RPL9: variants seen among roughly 807,000 people sequenced by gnomAD.
The protein encoded by RPL9 is large ribosomal subunit protein uL6.
For missense variants in RPL9, 149 were observed against 236.7 expected (o/e 0.63, Z 2.43); for synonymous variants, 82 against 77.1 (o/e 1.06, Z -0.33).
intron 2 of RPL9, 28 bp downstream of exon 2, chr4:39,458,366 T>A: frequency 6.2e-7 from 1 of 1,614,024 alleles, no homozygotes. Flanking sequence ...GCAGTAAAGA[T>A]GTAAGTAAAA....
rs915459167 is a variant in RPL9 at position 39,458,791 on chromosome 4, A to G, written c.-2+100T>C. On this transcript the variant is annotated intron_variant, in intron 1 of 7. Coordinates refer to ENST00000295955, the MANE Select transcript of RPL9 (RefSeq NM_000661.5). ...ATGGCGCTTGCCGAGCTGGGGGACA[A>G]ACAGGACAAGGTTCCGAGAGTGGGA... is the stretch of plus-strand genomic sequence containing the variant. The G allele has an allele frequency of 7.3e-6, 5 of 684,180 alleles. No homozygotes were observed. In the Admixed American group the frequency reaches 1.0e-4, roughly 14 times the overall value. The allele number at this position is 684,180 out of a possible 1,614,324, so 42.4% of individuals were successfully genotyped here. A position where few individuals can be genotyped will look rare whatever the true frequency, so the allele number is the denominator to read the frequency against.
chr4:39,454,828 C>G (rs1353188696), intron 6 of RPL9, 36 bp downstream of exon 6: 1 of 1,595,840 alleles, frequency 6.3e-7, no homozygotes, highest in East Asian at 2.2e-5. Context: ...TAGACAAAAT[C>G]TTGTAGGCAT....
rs1463478 is a variant in RPL9, at chr4:39,454,772, G to A, written c.472+92C>T. 747,180 of 1,464,710 alleles carry A rather than the reference G, an allele frequency of 0.51. 195,461 individuals are homozygous for A. The highest frequency in any genetic ancestry group is 0.61 in the Admixed American group (29,054 of 47,284). The allele number at this position is 1,464,710 out of a possible 1,614,324, so 90.7% of individuals were successfully genotyped here. On this transcript the variant is annotated intron_variant, in intron 6 of 7. Transcript: ENST00000295955. ...CCTTTTTATTTTCACAATTTAAAAA[G>A]CTAATCAAATAAAAATTAGCAAAAT...
chr4:39,456,724 T>C (rs964380793), intron 4 of RPL9, 186 bp from the exon 5 acceptor site: 3 of 630,856 alleles, frequency 4.8e-6, no homozygotes, highest in East Asian at 2.9e-5. Context: ...TAAAGCTCCT[T>C]GCGGAGGCTT....
intron 3 of RPL9, 67 bp from the exon 4 acceptor site, chr4:39,457,748 C>A: frequency 7.8e-7 from 1 of 1,281,220 alleles, no homozygotes. Context: ...AGACCACTTA[C>A]CGAATTACTT....
At position 39,458,408 on chromosome 4, in the gene RPL9, T is replaced by C; in HGVS notation, c.32A>G (p.Asp11Gly). 1 of 1,614,226 alleles carries C rather than the reference T, an allele frequency of 6.2e-7. No individual in the cohort carries two copies. Among genetic ancestry groups the C allele is most frequent in the Non-Finnish European group, 8.5e-7 (1 of 1,180,044 alleles). MKTILSNQTV[D>G]IPENVDITLK... ...AAGTCTCATACCATTTTCTGGAATG[T>C]CGACAGTCTGATTGCTGAGAATAGT... The change falls in exon 2 of 8, where the codon GAC becomes GGC. Residue 11 changes from aspartate (D) to glycine (G), a missense_variant. Transcript: ENST00000295955.
intron 5 of RPL9, 107 bp from the exon 6 acceptor site, chr4:39,455,051 T>C: frequency 8.6e-7 from 1 of 1,168,168 alleles, no homozygotes; most frequent in East Asian, 2.6e-5. Flanking sequence ...CAAAAGAACC[T>C]TTTCTTAAGA....
chr4:39,456,381 A>G lies in RPL9; in HGVS notation c.391+25T>C, dbSNP rs769511552. On this transcript the variant is annotated intron_variant, in intron 5 of 7. Transcript: ENST00000295955. The stretch of plus-strand genomic sequence containing the variant: ...AAAAATATGAAGGAAAAATTTCTTA[A>G]TTCTGTCTGAGGGTATGCACATACC... The G allele has an allele frequency of 1.1e-5, 18 of 1,613,918 alleles. No homozygotes were observed. The South Asian group carries it at 2.0e-4, about 18-fold the overall frequency.
intron 6 of RPL9, 99 bp from the exon 7 acceptor site, chr4:39,454,748 CTTTT>C: frequency 2.1e-6 from 3 of 1,451,878 alleles, no homozygotes; most frequent in South Asian, 1.3e-5. Flanking sequence ...AGAATGTGAC[CTTTT>C]TATTTTCACA....
Position 39,454,547 on chromosome 4 carries a change from T to C in RPL9, c.575A>G (p.Glu192Gly), listed in dbSNP as rs374515136. 1 of 1,608,148 alleles carries C rather than the reference T, an allele frequency of 6.2e-7. No homozygotes were observed. The highest frequency in any genetic ancestry group is 8.5e-7 in the Non-Finnish European group (1 of 1,177,022). The change falls in exon 7 of 8, where the codon GAA (glutamate) becomes GGA (glycine). Residue 192 changes from glutamate to glycine, a missense_variant. Glu to Gly is a moderately conservative substitution (Grantham distance 98). Coordinates refer to ENST00000295955, the MANE Select transcript of RPL9 (RefSeq NM_000661.5). ...TAAGAACTTACCTCTTAGATCTTAT[T>C]CATCAGCCTGCTGAACAGTTCCTTT... ...SEKGTVQQAD[E>G]
chr4:39,456,714 T>A, intron 4 of RPL9, 176 bp from the exon 5 acceptor site: 1 of 678,578 alleles, frequency 1.5e-6, no homozygotes, highest in East Asian at 2.8e-5. Context: ...CAGTGGACTG[T>A]AAAGCTCCTT....
Position 39,457,684 on chromosome 4 carries a change from G to A in RPL9, c.163-3C>T, listed in dbSNP as rs765477531. On this transcript the variant is annotated splice_polypyrimidine_tract_variant and splice_region_variant and intron_variant, in intron 3 of 7. Transcript: ENST00000295955. ...CCCCACCATTTGTCAACCCGGAGCT[G>A]TAACAGAACAAAAAATGTATTCTTT... The A allele has an allele frequency of 6.2e-7, 1 of 1,612,900 alleles. No individual in the cohort carries two copies. The highest frequency in any genetic ancestry group is 8.5e-7 in the Non-Finnish European group (1 of 1,178,884).
intron 1 of RPL9, chr4:39,458,679 C>A: frequency 1.6e-6 from 1 of 620,110 alleles, no homozygotes; most frequent in South Asian, 1.9e-5. Context: ...AAGTCCTATG[C>A]GGGCGGTGCC....
At chr4:39,456,183 C>A (rs1344843918) in intron 5 of RPL9, 4 of 564,568 alleles carry the variant, frequency 7.1e-6, no homozygotes, top group African/African-American at 3.8e-5. Context: ...GCAAGCTACT[C>A]CAATGTATCA....
chr4:39,456,374 TTTC>T (rs781541888), intron 5 of RPL9, 29 bp downstream of exon 5: 7 of 1,613,138 alleles, frequency 4.3e-6, no homozygotes, highest in Non-Finnish European at 5.1e-6. Flanking sequence ...GAAGGAAAAA[TTTC>T]TTAATTCTGT....
rs772175387 is a variant in RPL9, at chr4:39,458,284, T to C, written c.72A>G (p.Thr24=). Residue 24 remains threonine, a synonymous_variant, in exon 3 of 8, where the codon ACA becomes ACG. Transcript: ENST00000295955. ...TTCCTCTGGGGCCCTTCACGATAACTGTGCGTCCCTTCAGAGTAATGTCGA... is the reference window on the plus strand; with the variant it reads ...TTCCTCTGGGGCCCTTCACGATAACCGTGCGTCCCTTCAGAGTAATGTCGA... ...ENVDITLKGR[T]VIVKGPRGTL... 3.7e-6 allele frequency: 6 copies of C among 1,614,174 alleles called. No homozygotes were observed. Among genetic ancestry groups the C allele is most frequent in the Admixed American group, 1.7e-5 (1 of 60,020 alleles).
At chr4:39,455,240 C>A in intron 5 of RPL9, 1 of 236,266 alleles carries the variant, frequency 4.2e-6, no homozygotes, top group East Asian at 1.0e-4. Flanking sequence ...CCCAGCTACT[C>A]AGGAGGCTGA....
At chr4:39,457,059 GAAT>G (rs1447739202) in intron 4 of RPL9, 3 of 160,174 alleles carry the variant, frequency 1.9e-5, no homozygotes, top group African/African-American at 7.2e-5. Context: ...GGGTTGGAAA[GAAT>G]AATGACATAC....
intron 4 of RPL9, 128 bp downstream of exon 4, chr4:39,457,458 C>G (rs1423260628): frequency 1.3e-6 from 1 of 785,264 alleles, no homozygotes; most frequent in Admixed American, 2.4e-5. Context: ...CTATTTTTGC[C>G]AAGTTCTTGC....
Sources: allele counts gnomAD v4.1 joint callset, GRCh38; gene constraint gnomAD v4.1.1; transcripts MANE v1.5; gene names NCBI Gene and HGNC (gene_info 2026-07-23, HGNC 2026-07-21).